The following LIMA1 variants were observed in gnomAD, a reference collection of about 807,000 sequenced individuals.
LIMA1 encodes the protein LIM domain and actin binding 1.
In LIMA1, 52 loss-of-function variants were observed where a neutral mutation model predicts 62.6. The observed-to-expected ratio is 0.83, with a 90% CI of 0.67 to 1.05. The LOEUF (loss-of-function observed/expected upper bound fraction) is 1.05. LIMA1 is among the 50% of genes least tolerant of loss of function. The pLI is 0.00. For synonymous variants in LIMA1, 302 were observed against 317.8 expected (o/e 0.95, Z 0.53); for missense variants, 780 against 902.2 (o/e 0.86, Z 1.74).
chr12:50,180,972 T>G (rs1369250666), intron 10 of LIMA1, among the ~76,000 whole-genome samples: 1 of 150,924 alleles, frequency 6.6e-6, no homozygotes, highest in Non-Finnish European at 1.5e-5. Flanking sequence ...ATTAGCTGGG[T>G]GTGGTGGCGG....
At chr12:50,187,135 A>G (rs1232613013) in intron 9 of LIMA1, 2 of 152,196 alleles carry the variant, frequency 1.3e-5, no homozygotes, top group African/African-American at 4.8e-5. Flanking sequence ...CCCTCTGTTG[A>G]TTACCATCTA....
intron 1 of LIMA1, among the ~76,000 whole-genome samples, chr12:50,272,095 T>C (rs951586680): frequency 6.6e-6 from 1 of 152,180 alleles, no homozygotes; most frequent in African/African-American, 2.4e-5. Flanking sequence ...GGCTTCTTAG[T>C]TTCACTTCTG....
At chr12:50,261,791 CAA>C (rs1307135587) in intron 1 of LIMA1, among the ~76,000 whole-genome samples, 2 of 152,168 alleles carry the variant, frequency 1.3e-5, no homozygotes, top group Non-Finnish European at 2.9e-5. Flanking sequence ...CTCAACCTCC[CAA>C]AGTGCTGGGA....
intron 4 of LIMA1, chr12:50,217,751 C>A: frequency 3.0e-6 from 1 of 330,862 alleles, no homozygotes; most frequent in East Asian, 9.2e-5. Flanking sequence ...ACCTTGATTC[C>A]TGACTACCGT....
intron 9 of LIMA1, chr12:50,187,261 G>C (rs1320054091): frequency 2.0e-5 from 3 of 152,140 alleles, no homozygotes; most frequent in African/African-American, 4.8e-5. Context: ...TGGGAGGTAG[G>C]GGGGAGCAGC....
Position 50,192,454 on chromosome 12 carries a change from T to G in LIMA1, c.1138A>C (p.Lys380Gln). 6.2e-7 allele frequency: 1 copy of G among 1,603,734 alleles called. No individual in the cohort carries two copies. The highest frequency in any genetic ancestry group is 8.5e-7 in the Non-Finnish European group (1 of 1,170,508). ...TCAGAGAGAAATTGCCATCATACCT[T>G]CATTGCTTTGGGAGGAGAACTTTCA... ...LSESSPPKAM[K>Q]KFQAPARETC... The change falls in exon 9 of 11, where the codon AAG becomes CAG. Residue 380 changes from lysine to glutamine, a missense_variant and splice_region_variant. By Grantham distance (53) the Lys-to-Gln change is moderately conservative (BLOSUM62 1). Transcript: ENST00000341247.
chr12:50,225,805 A>C (rs185456428), intron 3 of LIMA1, among the ~76,000 whole-genome samples: 181 of 152,274 alleles, frequency 1.2e-3, no homozygotes, highest in Non-Finnish European at 1.9e-3. Context: ...TGGCCTCCCA[A>C]AGTGCTGGGA....
At chr12:50,280,196 G>A (rs1414714129) in intron 1 of LIMA1, among the ~76,000 whole-genome samples, 1 of 111,100 alleles carries the variant, frequency 9.0e-6, no homozygotes, top group South Asian at 3.2e-4. Flanking sequence ...ACTCTGTCAC[G>A]CAGGCTGGAG....
chr12:50,215,763 G>A (rs1941334252), intron 4 of LIMA1, among the ~76,000 whole-genome samples: 1 of 151,976 alleles, frequency 6.6e-6, no homozygotes, highest in African/African-American at 2.4e-5. Context: ...GCGAGCCACC[G>A]CGCCCGGCCT....
In LIMA1 at chr12:50,222,078, A is replaced by G. The variant is rs1941451218; in HGVS notation, c.573T>C (p.Asn191=). ...TDASGKIEKY[N]VPLNRLKMMF... ...TCATCTTAAGCCTGTTCAGCGGAAC[A>G]TTATATTTCTCTATTTTGCCCGAAG... Residue 191 remains asparagine, a synonymous_variant, in exon 4 of 11, where the codon AAT becomes AAC. Coordinates refer to ENST00000341247, the MANE Select transcript of LIMA1 (RefSeq NM_016357.5). The G allele has an allele frequency of 1.2e-6, 2 of 1,614,056 alleles. No homozygotes were observed. Among genetic ancestry groups the G allele is most frequent in the Admixed American group, 1.7e-5 (1 of 59,988 alleles).
intron 1 of LIMA1, 76 bp from the exon 2 acceptor site, chr12:50,248,850 T>C (rs1592553889): frequency 1.3e-6 from 1 of 776,332 alleles, no homozygotes; most frequent in Non-Finnish European, 2.2e-6. Context: ...AGTGGTGTGG[T>C]AGAGCCCTAA....
At chr12:50,211,331 C>CAAA (rs34045758) in intron 4 of LIMA1, among the ~76,000 whole-genome samples, 4 of 83,240 alleles carry the variant, frequency 4.8e-5, no homozygotes, top group Non-Finnish European at 5.1e-5. Context: ...CCCACCCCCC[C>CAAA]AAAAAAAAAA....
chr12:50,283,458 C>G lies in LIMA1; in HGVS notation c.-62G>C, dbSNP rs1469885551. On this transcript the variant is annotated 5_prime_UTR_variant, in exon 1 of 11. Transcript: ENST00000341247. ...GCCTTTCCTCTGCGCTGCTACCAGCCCTGTCACAGGTCCCGGCGCTCTACC... is the reference window on the plus strand; with the variant it reads ...GCCTTTCCTCTGCGCTGCTACCAGCGCTGTCACAGGTCCCGGCGCTCTACC... 6.6e-6 allele frequency: 1 copy of G among 152,352 alleles called. No homozygotes were observed. Among genetic ancestry groups the G allele is most frequent in the Non-Finnish European group, 1.5e-5 (1 of 68,178 alleles). The allele number at this position is 152,352 out of a possible 1,614,324, so 9.4% of individuals were successfully genotyped here. A position where few individuals can be genotyped will look rare whatever the true frequency, so the allele number is the denominator to read the frequency against.
intron 2 of LIMA1, 57 bp from the exon 3 acceptor site, chr12:50,231,767 A>T: frequency 6.5e-7 from 1 of 1,530,516 alleles, no homozygotes; most frequent in South Asian, 1.1e-5. Context: ...TTACTCTTTC[A>T]ATTTTTTATC....
intron 1 of LIMA1, among the ~76,000 whole-genome samples, chr12:50,281,703 T>C (rs1225577415): frequency 2.0e-5 from 3 of 152,152 alleles, no homozygotes; most frequent in African/African-American, 4.8e-5. Flanking sequence ...GGCCATAGAA[T>C]TGGAGGAAGA....
At chr12:50,230,392 G>A (rs1941592077) in intron 3 of LIMA1, among the ~76,000 whole-genome samples, 1 of 152,040 alleles carries the variant, frequency 6.6e-6, no homozygotes, top group South Asian at 2.1e-4. Context: ...AATTCCACGA[G>A]GGCTGGGATG....
chr12:50,177,004 C>A lies in LIMA1; in HGVS notation c.*60G>T. The A allele has an allele frequency of 1.5e-6, 2 of 1,344,430 alleles. No individual in the cohort carries two copies. The highest frequency in any genetic ancestry group is 1.5e-5 in the African/African-American group (1 of 67,822). 83.3% of individuals were successfully genotyped at this position (1,344,430 alleles called of 1,614,324 possible). A position where few individuals can be genotyped will look rare whatever the true frequency, so the allele number is the denominator to read the frequency against. Reference sequence around the variant, plus strand: ...CCTGCTTATGTGCATCACATTTTGACAAAGGGCAGTGGCTCGCTAACACTA... The same window carrying A: ...CCTGCTTATGTGCATCACATTTTGAAAAAGGGCAGTGGCTCGCTAACACTA... On this transcript the variant is annotated 3_prime_UTR_variant, in exon 11 of 11. Coordinates refer to ENST00000341247, the MANE Select transcript of LIMA1 (RefSeq NM_016357.5).
At chr12:50,223,813 G>A (rs528058870) in intron 3 of LIMA1, among the ~76,000 whole-genome samples, 10 of 152,236 alleles carry the variant, frequency 6.6e-5, no homozygotes, top group South Asian at 2.1e-4. Flanking sequence ...CGAGGCGGGT[G>A]GATCACCTGA....
chr12:50,195,389 TATAATATACATTTAG>T lies in LIMA1; in HGVS notation c.1030+426_1030+440del. ...CCTAGAACCTGGCTAGGAGGTTGAC[TATAATATACATTTAG>T]ATAAACAGGGAAAAAATATGTATCT... On this transcript the variant is annotated intron_variant, in intron 8 of 10. Coordinates refer to ENST00000341247, the MANE Select transcript of LIMA1 (RefSeq NM_016357.5). Among the ~76,000 whole-genome samples, 3 of 152,300 alleles carry T rather than the reference TATAATATACATTTAG, an allele frequency of 2.0e-5. No individual in the cohort carries two copies. The Middle Eastern group carries it at 0.01, about 518-fold the overall frequency.
Sources: allele counts gnomAD v4.1 joint callset (sites outside exome capture counted in the v4.1 genomes callset), GRCh38; gene constraint gnomAD v4.1.1; transcripts MANE v1.5; gene names NCBI Gene and HGNC (gene_info 2026-07-23, HGNC 2026-07-21).